The following RABGGTB variants were observed in gnomAD, a reference collection of about 807,000 sequenced individuals.
RABGGTB encodes the protein Rab geranylgeranyltransferase subunit beta.
In RABGGTB, 20 loss-of-function variants were observed where a neutral mutation model predicts 44.5. That is an observed-to-expected ratio of 0.45 (90% CI 0.32 to 0.65). The LOEUF (loss-of-function observed/expected upper bound fraction) is 0.65, where lower values mean the gene tolerates loss of function less well. Ranked by LOEUF, RABGGTB falls within the 30% of genes least tolerant of loss-of-function variation. The pLI, the probability that RABGGTB is intolerant of heterozygous loss-of-function variation, is 0.05. For missense variants in RABGGTB, 302 were observed against 398.7 expected (o/e 0.76, Z 2.06); for synonymous variants, 128 against 136.7 (o/e 0.94, Z 0.44).
intron 4 of RABGGTB, chr1:75,790,298 T>C (rs2100486855): frequency 1.6e-6 from 2 of 1,232,532 alleles, no homozygotes; most frequent in East Asian, 3.2e-5. Context: ...TTTTCCCCAA[T>C]ATTTGGTGGC....
At position 75,792,094 on chromosome 1, in the gene RABGGTB, A is replaced by G. The variant is rs1484975106; in HGVS notation, c.580-87A>G. The G allele has an allele frequency of 5.1e-6, 6 of 1,181,188 alleles. No homozygotes were observed. In the African/African-American group the frequency reaches 7.7e-5, roughly 15 times the overall value. 73.2% of individuals were successfully genotyped at this position (1,181,188 alleles called of 1,614,324 possible). On this transcript the variant is annotated intron_variant, in intron 6 of 8. Transcript: ENST00000319942. ...CAGATCAAGAAGAAAAACTTAAGAT[A>G]TAAAGTGGTGTTTTAATAATTTGAG... is the stretch of plus-strand genomic sequence containing the variant.
At chr1:75,790,503 C>T (rs1418373749) in intron 4 of RABGGTB, 9 of 1,014,284 alleles carry the variant, frequency 8.9e-6, no homozygotes, top group Non-Finnish European at 9.4e-6. Flanking sequence ...GAAAAATCTA[C>T]TTTTATAAAG....
chr1:75,786,236 A>G (rs200417142), upstream of RABGGTB: 1 of 1,613,904 alleles, frequency 6.2e-7, no homozygotes, highest in East Asian at 2.2e-5. Flanking sequence ...AAGTCTACCC[A>G]GGAACTGACC....
intron 8 of RABGGTB, 106 bp from the exon 9 acceptor site, chr1:75,794,404 C>T (rs529655574): frequency 1.4e-5 from 18 of 1,328,922 alleles, no homozygotes; most frequent in Middle Eastern, 2.0e-4. Flanking sequence ...AATTTCTTGT[C>T]GCTTGTTGCT....
intron 3 of RABGGTB, 21 bp downstream of exon 3, chr1:75,789,377 C>A (rs1427894284): frequency 1.3e-6 from 2 of 1,595,562 alleles, no homozygotes; most frequent in Non-Finnish European, 1.7e-6. Flanking sequence ...ATCAAAATTG[C>A]AACGATCTTG....
intron 1 of RABGGTB, chr1:75,787,071 G>C (rs1170966729): frequency 1.9e-6 from 1 of 520,180 alleles, no homozygotes; most frequent in Admixed American, 2.0e-5. Flanking sequence ...GTAATTTTTT[G>C]GGTCAATGAT....
At chr1:75,794,006 C>T (rs906182636) in intron 7 of RABGGTB, 78 bp from the exon 8 acceptor site, 4 of 822,456 alleles carry the variant, frequency 4.9e-6, no homozygotes, top group Non-Finnish European at 5.3e-6. Context: ...AAGAGTGAGA[C>T]TTAACCCACT....
intron 2 of RABGGTB, 25 bp from the exon 3 acceptor site, chr1:75,789,134 T>C: frequency 1.3e-6 from 2 of 1,597,802 alleles, no homozygotes; most frequent in South Asian, 2.2e-5. Context: ...AAATGACAGA[T>C]TTAAGAAATT....
Position 75,787,550 on chromosome 1 carries a change from A to C in RABGGTB, c.57A>C (p.Leu19Phe), listed in dbSNP as rs753070718. The part of the protein sequence containing the change: ...IIKSDAPDTL[L>F]LEKHADYIAS... ...AGTCAGATGCACCGGACACTTTGTT[A>C]TTGGAGAAACATGCAGATTATATCG... Residue 19 changes from leucine to phenylalanine, a missense_variant, in exon 2 of 9, where the codon TTA (leucine) becomes TTC (phenylalanine). Transcript: ENST00000319942. 13 of 1,614,092 alleles carry C rather than the reference A, an allele frequency of 8.1e-6. No homozygotes were observed. Among genetic ancestry groups the C allele is most frequent in the Non-Finnish European group, 1.1e-5 (13 of 1,179,956 alleles).
intron 1 of RABGGTB, 166 bp from the exon 2 acceptor site, chr1:75,787,331 G>T: frequency 3.2e-6 from 2 of 629,612 alleles, no homozygotes; most frequent in Non-Finnish European, 5.6e-6. Context: ...TGGCTCAAGC[G>T]ATCTTCTACC....
chr1:75,791,868 A>C, intron 6 of RABGGTB: 1 of 408,186 alleles, frequency 2.4e-6, no homozygotes, highest in African/African-American at 2.0e-5. Context: ...AAAACAACAC[A>C]TTTTTCTTTC....
At chr1:75,794,392 G>T in intron 8 of RABGGTB, 118 bp from the exon 9 acceptor site, 1 of 1,313,804 alleles carries the variant, frequency 7.6e-7, no homozygotes, top group Non-Finnish European at 1.0e-6. Flanking sequence ...CAATCTTACA[G>T]AAATTTCTTG....
rs61485328 is a variant in RABGGTB at position 75,786,754 on chromosome 1, G to A, written c.3+480G>A. The A allele has an allele frequency of 5.1e-3, 1,452 of 284,096 alleles. 16 individuals carry two copies. The highest frequency in any genetic ancestry group is 0.032 in the African/African-American group (1,373 of 43,506). The allele number at this position is 284,096 out of a possible 1,614,324, so 17.6% of individuals were successfully genotyped here. On this transcript the variant is annotated intron_variant, in intron 1 of 8. Coordinates refer to ENST00000319942, the MANE Select transcript of RABGGTB (RefSeq NM_004582.4). ...TATAGATACGAAAAGAACTAGAGCC[G>A]CATCACATGGGGACTTCTGCAAATA...
At chr1:75,787,814 T>TCAAGCGATCCTCCCACCTCAGCC in intron 2 of RABGGTB, 1 of 690,996 alleles carries the variant, frequency 1.4e-6, no homozygotes, top group Non-Finnish European at 2.6e-6. Flanking sequence ...CTGAGAGGGC[T>TCAAGCGATCCTCCCACCTCAGCC]TGCCAGACAA....
rs148792310 is a variant in RABGGTB, at chr1:75,793,955, G to A, written c.706-129G>A. ...GCATATCAGTATATCCCTGGATTTC[G>A]TCCTTCCACATGGTTTGACACTTTG... On this transcript the variant is annotated intron_variant, in intron 7 of 8. Transcript: ENST00000319942. 583 of 914,158 alleles carry A rather than the reference G, an allele frequency of 6.4e-4. 3 individuals are homozygous for A. The African/African-American group carries it at 8.8e-3, about 14-fold the overall frequency. 56.6% of individuals were successfully genotyped at this position (914,158 alleles called of 1,614,324 possible).
chr1:75,791,198 A>C (rs1048442730), intron 4 of RABGGTB, 87 bp from the exon 5 acceptor site: 4 of 1,132,762 alleles, frequency 3.5e-6, no homozygotes, highest in Non-Finnish European at 4.0e-6. Context: ...AACTCAATTT[A>C]AAGTGGTAGT....
intron 2 of RABGGTB, 63 bp from the exon 3 acceptor site, chr1:75,789,096 T>C (rs1044185678): frequency 6.8e-7 from 1 of 1,469,264 alleles, no homozygotes; most frequent in African/African-American, 1.4e-5. Context: ...CCTTTGTGTT[T>C]AATCTCTTTA....
In RABGGTB at chr1:75,792,193, A is replaced by C. The variant is rs1408325080; in HGVS notation, c.592A>C (p.Thr198Pro). 6.2e-7 allele frequency: 1 copy of C among 1,608,468 alleles called. No homozygotes were observed. Among genetic ancestry groups the C allele is most frequent in the South Asian group, 1.1e-5 (1 of 90,914 alleles). The change falls in exon 7 of 9, where the codon ACA becomes CCA. Residue 198 changes from threonine to proline, a missense_variant. This residue lies in a region of RABGGTB where 213 missense variants were observed against 323.7 expected (regional missense o/e 0.66). Transcript: ENST00000319942. ...ESHAGQIYCC[T>P]GFLAITSQLH... is the part of the protein sequence containing the mutation. ...TCTGTAATTTTAGATCTATTGTTGC[A>C]CAGGATTTCTGGCAATTACAAGTCA... is the stretch of plus-strand genomic sequence containing the variant.
chr1:75,794,047 AAG>A lies in RABGGTB; in HGVS notation c.706-33_706-32del, dbSNP rs1417858679. ...ATTGTTCTCAAAATTAGGGAAATAA[AAG>A]AGAATGAAATTGTGGCAACTTTTTT... On this transcript the variant is annotated intron_variant, in intron 7 of 8. Coordinates refer to ENST00000319942, the MANE Select transcript of RABGGTB (RefSeq NM_004582.4). The A allele has an allele frequency of 1.3e-5, 20 of 1,533,360 alleles. No homozygotes were observed. The East Asian group carries it at 1.8e-4, about 14-fold the overall frequency. The allele number at this position is 1,533,360 out of a possible 1,614,324, so 95.0% of individuals were successfully genotyped here.
Sources: allele counts gnomAD v4.1 joint callset, GRCh38; gene constraint gnomAD v4.1.1; regional missense constraint gnomAD v4.1.1; transcripts MANE v1.5; gene names NCBI Gene and HGNC (gene_info 2026-07-23, HGNC 2026-07-21).